The following CPXM2 variants were observed in gnomAD, a reference collection of about 807,000 sequenced individuals.
CPXM2 encodes carboxypeptidase X, M14 family member 2, also known as inactive carboxypeptidase-like protein X2.
Under a neutral mutation model 86.1 loss-of-function variants are expected in CPXM2, and 66 were observed. The observed-to-expected ratio is 0.77, with a 90% confidence interval of 0.63 to 0.94. The LOEUF is 0.94. CPXM2 is among the 40% of genes least tolerant of loss of function. The pLI is 0.00. For missense variants in CPXM2, 948 were observed against 1,026.3 expected, an observed-to-expected ratio of 0.92 and a Z score of 1.04; for synonymous variants, 388 against 400.2, an observed-to-expected ratio of 0.97 and a Z score of 0.36.
intron 2 of CPXM2, among the ~76,000 whole-genome samples, chr10:123,916,731 T>C (rs896180394): frequency 2.0e-5 from 3 of 152,164 alleles, no homozygotes; most frequent in African/African-American, 7.2e-5. Flanking sequence ...AATCCTTTCA[T>C]TCCTCTAGCT....
In CPXM2 at chr10:123,813,802, G is replaced by A. The variant is rs190698805; in HGVS notation, c.654-14603C>T. 3.3e-3 allele frequency among the ~76,000 whole-genome samples: 507 copies of A among 152,276 alleles called. 1 individual carries two copies. Among genetic ancestry groups the A allele is most frequent in the Non-Finnish European group, 4.6e-3 (315 of 68,016 alleles). Reference sequence around the variant, plus strand: ...GTGCCCAACAGATATCATAATCTGCGTTAATTATGTCTACCTGGAAACATT... The same window carrying A: ...GTGCCCAACAGATATCATAATCTGCATTAATTATGTCTACCTGGAAACATT... On this transcript the variant is annotated intron_variant, in intron 4 of 13. Transcript: ENST00000241305.
At chr10:123,884,781 A>G (rs1028818754) in intron 1 of CPXM2, among the ~76,000 whole-genome samples, 5 of 151,970 alleles carry the variant, frequency 3.3e-5, no homozygotes, top group African/African-American at 1.2e-4. Flanking sequence ...TCTCTGGGAT[A>G]CCTGCCTGGT....
At chr10:123,761,824 AGC>A (rs1228957581) in intron 11 of CPXM2, 46 bp downstream of exon 11, 1 of 1,560,714 alleles carries the variant, frequency 6.4e-7, no homozygotes, top group Non-Finnish European at 8.7e-7. Context: ...AGACCCCTGC[AGC>A]GTCCTCCTGC....
chr10:123,797,870 G>A (rs1847367905), intron 6 of CPXM2, 106 bp downstream of exon 6: 1 of 1,108,282 alleles, frequency 9.0e-7, no homozygotes, highest in Non-Finnish European at 1.2e-6. Flanking sequence ...TTACAGGCAT[G>A]AGCTACTGTG....
intron 7 of CPXM2, among the ~76,000 whole-genome samples, chr10:123,774,708 T>C (rs1846739691): frequency 6.6e-6 from 1 of 152,212 alleles, no homozygotes; most frequent in African/African-American, 2.4e-5. Context: ...TAACTCACTT[T>C]GTGTCACAAT....
chr10:123,924,482 T>C (rs1945606494), intron 2 of CPXM2, among the ~76,000 whole-genome samples: 1 of 152,154 alleles, frequency 6.6e-6, no homozygotes, highest in Non-Finnish European at 1.5e-5. Context: ...CACAGATGAA[T>C]AGCCAGAAGA....
At chr10:123,931,580 T>C (rs1161094697) in intron 2 of CPXM2, 2 of 152,200 alleles carry the variant, frequency 1.3e-5, no homozygotes, top group African/African-American at 4.8e-5. Flanking sequence ...TTTGGCTTCT[T>C]TCCTGCCCCT....
intron 8 of CPXM2, 149 bp downstream of exon 8, chr10:123,770,767 A>G (rs1846608171): frequency 2.6e-6 from 2 of 782,796 alleles, no homozygotes; most frequent in Non-Finnish European, 4.0e-6. Flanking sequence ...CAGAGCCAAC[A>G]TGGGCAAAAT....
rs770522746 is a variant in CPXM2 at position 123,746,955 on chromosome 10, C to T, written c.2080G>A (p.Glu694Lys). Residue 694 changes from glutamate (E) to lysine (K), a missense_variant, in exon 14 of 14, where the codon GAA becomes AAA. Glu to Lys is a moderately conservative substitution (Grantham distance 56). Coordinates refer to ENST00000241305, the MANE Select transcript of CPXM2 (RefSeq NM_198148.3). Reference sequence around the variant, plus strand: ...TTCTTGGTGGATGCAGTGAAACCTTCGGCCTTTGCTGTGACCACATACTCT... The same window carrying T: ...TTCTTGGTGGATGCAGTGAAACCTTTGGCCTTTGCTGTGACCACATACTCT... ...PGEYVVTAKA[E>K]GFTASTKNCM... The T allele has an allele frequency of 1.1e-5, 18 of 1,614,180 alleles. No individual in the cohort carries two copies. The highest frequency in any genetic ancestry group is 1.5e-5 in the Non-Finnish European group (18 of 1,180,020).
chr10:123,863,024 T>C lies in CPXM2; in HGVS notation c.404-301A>G, dbSNP rs574127301. On this transcript the variant is annotated intron_variant, in intron 2 of 13. Coordinates refer to ENST00000241305, the MANE Select transcript of CPXM2 (RefSeq NM_198148.3). The stretch of plus-strand genomic sequence containing the variant: ...AACATGACTCAGTCAGGAAGCATCA[T>C]TGGAGCTCTGCAAATTAATCAGAAC... Among the ~76,000 whole-genome samples, 14 of 152,356 alleles carry C rather than the reference T, an allele frequency of 9.2e-5. No homozygotes were observed. In the South Asian group the frequency reaches 2.5e-3, roughly 27 times the overall value.
Position 123,771,037 on chromosome 10 carries a change from C to G in CPXM2, c.981G>C (p.Leu327Phe). 1 of 1,611,748 alleles carries G rather than the reference C, an allele frequency of 6.2e-7. No individual in the cohort carries two copies. Among genetic ancestry groups the G allele is most frequent in the Non-Finnish European group, 8.5e-7 (1 of 1,179,084 alleles). Residue 327 changes from leucine (L) to phenylalanine (F), a missense_variant and splice_region_variant, in exon 8 of 14, where the codon TTG (leucine) becomes TTC (phenylalanine). By Grantham distance (22) the Leu-to-Phe change is conservative. Coordinates refer to ENST00000241305, the MANE Select transcript of CPXM2 (RefSeq NM_198148.3). Reference sequence around the variant, plus strand: ...GACACATTTCATTCACAACTTTCATCAACTGAAAAACAAGGTGAATCAAAA... The same window carrying G: ...GACACATTTCATTCACAACTTTCATGAACTGAAAAACAAGGTGAATCAAAA... ...KHHNYKEMRQ[L>F]MKVVNEMCPN...
intron 3 of CPXM2, among the ~76,000 whole-genome samples, chr10:123,854,640 G>C (rs892515219): frequency 1.3e-5 from 2 of 150,600 alleles, no homozygotes; most frequent in Admixed American, 1.3e-4. Context: ...GGCTCGGCTT[G>C]TTCAACAGAC....
At chr10:123,763,576 G>A (rs1000186121) in intron 10 of CPXM2, among the ~76,000 whole-genome samples, 2 of 150,272 alleles carry the variant, frequency 1.3e-5, no homozygotes, top group African/African-American at 4.9e-5. Context: ...GCAGAGGGGC[G>A]CAACTATACT....
intron 6 of CPXM2, among the ~76,000 whole-genome samples, chr10:123,795,304 A>T (rs911619809): frequency 6.6e-6 from 1 of 152,178 alleles, no homozygotes; most frequent in African/African-American, 2.4e-5. Flanking sequence ...GTATATGGTA[A>T]TTCACTTTTC....
intron 7 of CPXM2, among the ~76,000 whole-genome samples, chr10:123,773,514 C>A (rs951045055): frequency 2.0e-5 from 3 of 152,258 alleles, no homozygotes; most frequent in Non-Finnish European, 4.4e-5. Context: ...AGGAGACAGA[C>A]TCAGCCTTTT....
At chr10:123,896,556 C>T (rs1210395319), upstream of CPXM2, among the ~76,000 whole-genome samples, 3 of 152,182 alleles carry the variant, frequency 2.0e-5, no homozygotes, top group Non-Finnish European at 4.4e-5. Context: ...CATTTGGCAT[C>T]TTTTGATAAG....
At chr10:123,889,522 C>T (rs1216393951) in intron 1 of CPXM2, among the ~76,000 whole-genome samples, 2 of 152,136 alleles carry the variant, frequency 1.3e-5, no homozygotes, top group Admixed American at 6.5e-5. Context: ...TTCCTAGGAT[C>T]TCACCCAGCA....
At chr10:123,773,221 ATTGTGGTTATCACTTCCCTGG>A (rs1846693954) in intron 7 of CPXM2, among the ~76,000 whole-genome samples, 2 of 111,344 alleles carry the variant, frequency 1.8e-5, no homozygotes, top group Non-Finnish European at 3.9e-5. Context: ...CAGCTCCCTC[ATTGTGGTTATCACTTCCCTGG>A]TTGTGGTTAT....
intron 7 of CPXM2, among the ~76,000 whole-genome samples, chr10:123,773,822 C>T (rs771836786): frequency 6.6e-6 from 1 of 152,134 alleles, no homozygotes; most frequent in Non-Finnish European, 1.5e-5. Context: ...CAGCTCATCA[C>T]ACTGATAGCT....
Sources: allele counts gnomAD v4.1 joint callset (sites outside exome capture counted in the v4.1 genomes callset), GRCh38; gene constraint gnomAD v4.1.1; transcripts MANE v1.5; gene names NCBI Gene and HGNC (gene_info 2026-07-23, HGNC 2026-07-21).